SYNJ2: variants seen among roughly 807,000 people sequenced by gnomAD.
The protein encoded by SYNJ2 is synaptojanin 2.
SYNJ2 carries 116 observed loss-of-function variants against 141.3 expected under a neutral mutation model. The ratio of observed to expected loss-of-function variants is 0.82; its 90% CI spans 0.71 to 0.96. The LOEUF (loss-of-function observed/expected upper bound fraction) is 0.96, where lower values mean the gene tolerates loss of function less well. Ranked by LOEUF, SYNJ2 falls within the 40% of genes least tolerant of loss-of-function variation. The pLI is 0.00. For missense variants in SYNJ2, 1,873 were observed against 1,934.8 expected, an observed-to-expected ratio of 0.97 and a Z score of 0.60; for synonymous variants, 745 against 777.7, an observed-to-expected ratio of 0.96 and a Z score of 0.70.
At chr6:158,074,436 AGAT>A in intron 15 of SYNJ2, 141 bp from the exon 16 acceptor site, 1 of 771,068 alleles carries the variant, frequency 1.3e-6, no homozygotes, top group Non-Finnish European at 2.0e-6. Context: ...GTGAAAAACA[AGAT>A]GCTCTAGTAG....
rs779602586 is a variant in SYNJ2, at chr6:158,055,023, C to T, written c.852C>T (p.Phe284=). The T allele has an allele frequency of 3.1e-6, 5 of 1,613,842 alleles. No homozygotes were observed. Among genetic ancestry groups the T allele is most frequent in the Admixed American group, 3.3e-5 (2 of 60,018 alleles). ...HRGLEANAPA[F]DRHMVLLKEQ... ...GCCTGGAAGCCAATGCCCCTGCTTT[C>T]GACAGGTAGGGATTGTCTGACACCA... Residue 284 remains phenylalanine (F), a synonymous_variant, in exon 6 of 27, where the codon TTC becomes TTT. Transcript: ENST00000355585.
At chr6:158,066,124 G>T (rs1781546956) in intron 11 of SYNJ2, among the ~76,000 whole-genome samples, 1 of 152,176 alleles carries the variant, frequency 6.6e-6, no homozygotes, top group South Asian at 2.1e-4. Context: ...AGTGGACAGT[G>T]AGGACACGGC....
intron 1 of SYNJ2, among the ~76,000 whole-genome samples, chr6:158,003,538 A>G (rs2128321208): frequency 1.3e-5 from 2 of 152,324 alleles, no homozygotes; most frequent in East Asian, 3.9e-4. Context: ...GTTTCATGTC[A>G]TGTCCAAGAA....
At chr6:158,063,685 AAAC>A in intron 8 of SYNJ2, 103 bp from the exon 9 acceptor site, 7 of 668,552 alleles carry the variant, frequency 1.0e-5, no homozygotes, top group South Asian at 5.8e-5. Context: ...AAAAAAAAAA[AAAC>A]CATGTTTCCT....
At chr6:158,063,659 C>CAAA (rs71298907) in intron 8 of SYNJ2, 132 bp from the exon 9 acceptor site, 2,886 of 188,202 alleles carry the variant, frequency 0.015, 6 homozygotes, top group South Asian at 0.021. Context: ...GACTCTGTCT[C>CAAA]AAAAAAAAAA....
intron 18 of SYNJ2, 59 bp from the exon 19 acceptor site, chr6:158,081,050 C>T: frequency 1.3e-6 from 2 of 1,530,808 alleles, no homozygotes; most frequent in East Asian, 2.3e-5. Context: ...GGACTGGAGG[C>T]CGGGGGTGTG....
chr6:158,078,409 A>G (rs1409821535), intron 18 of SYNJ2, 128 bp downstream of exon 18: 24 of 617,440 alleles, frequency 3.9e-5, no homozygotes, highest in Non-Finnish European at 6.1e-5. Context: ...GTGTGCATAC[A>G]ATACACCAAA....
intron 2 of SYNJ2, among the ~76,000 whole-genome samples, chr6:158,022,177 A>G (rs1310040988): frequency 1.2e-4 from 19 of 152,310 alleles, no homozygotes; most frequent in Admixed American, 1.2e-3. Context: ...GGGAAAGCCT[A>G]GACATCTTTA....
chr6:158,017,789 G>A (rs773749796), intron 2 of SYNJ2: 1 of 532,158 alleles, frequency 1.9e-6, no homozygotes, highest in South Asian at 1.4e-5. Context: ...CAGGTGGGGA[G>A]GTCAAGGTGA....
At chr6:158,049,865 T>TG (rs926831975) in intron 5 of SYNJ2, among the ~76,000 whole-genome samples, 17 of 151,834 alleles carry the variant, frequency 1.1e-4, no homozygotes, top group Admixed American at 7.9e-4. Flanking sequence ...GCTCTGCAGG[T>TG]GGGGACATGG....
intron 5 of SYNJ2, among the ~76,000 whole-genome samples, chr6:158,044,097 C>T (rs569079928): frequency 3.3e-5 from 5 of 152,306 alleles, no homozygotes; most frequent in Admixed American, 6.5e-5. Context: ...CTCCCTGTCC[C>T]GAGGGGACGT....
Position 158,099,005 on chromosome 6 carries a change from C to A in SYNJ2, c.*2641C>A, listed in dbSNP as rs1269041103. The A allele has an allele frequency of 1.3e-5, 2 of 152,176 alleles. No homozygotes were observed. Among genetic ancestry groups the A allele is most frequent in the Non-Finnish European group, 1.5e-5 (1 of 68,036 alleles). 9.4% of individuals were successfully genotyped at this position (152,176 alleles called of 1,614,324 possible). On this transcript the variant is annotated 3_prime_UTR_variant, in exon 27 of 27. Transcript: ENST00000355585. ...TCCCTGATGTGTGTGTAAGTATAAACAAAGTAATGTATCAAAGCGTTCACT... is the reference window on the plus strand; with the variant it reads ...TCCCTGATGTGTGTGTAAGTATAAAAAAAGTAATGTATCAAAGCGTTCACT...
rs1357992410 is a variant in SYNJ2, at chr6:158,089,848, C to T, written c.3466C>T (p.Arg1156Trp). The change falls in exon 25 of 27, where the codon CGG (arginine) becomes TGG (tryptophan). Residue 1156 changes from arginine (R) to tryptophan (W), a missense_variant. Arg to Trp is a moderately radical substitution (Grantham distance 101). Coordinates refer to ENST00000355585, the MANE Select transcript of SYNJ2 (RefSeq NM_003898.4). Reference protein sequence around the residue: ...PGAPQQPPKARTGISKPYNVK... With the variant: ...PGAPQQPPKAWTGISKPYNVK... ...TCATTCTGTCCTCAAGCCCAAGGCT[C>T]GGACTGGAATAAGTAAACCTTATAA... 3 of 1,613,378 alleles carry T rather than the reference C, an allele frequency of 1.9e-6. No individual in the cohort carries two copies. The highest frequency in any genetic ancestry group is 2.5e-6 in the Non-Finnish European group (3 of 1,179,638).
At chr6:158,044,037 G>A (rs1780100690) in intron 5 of SYNJ2, among the ~76,000 whole-genome samples, 1 of 152,240 alleles carries the variant, frequency 6.6e-6, no homozygotes, top group Admixed American at 6.5e-5. Context: ...AACAAGGTGG[G>A]TTATGGGCCG....
intron 2 of SYNJ2, among the ~76,000 whole-genome samples, chr6:158,025,972 A>AC (rs1554235769): frequency 1.6e-5 from 2 of 128,730 alleles, no homozygotes; most frequent in South Asian, 5.6e-4. Context: ...ATAAATAAAT[A>AC]ATACATGCAT....
chr6:158,086,241 G>T (rs1351809370), intron 22 of SYNJ2, among the ~76,000 whole-genome samples: 1 of 152,136 alleles, frequency 6.6e-6, no homozygotes, highest in African/African-American at 2.4e-5. Context: ...GGGAGCCCTA[G>T]GGCTGCTGAT....
intron 2 of SYNJ2, 32 bp from the exon 3 acceptor site, chr6:158,028,724 C>A (rs774926213): frequency 3.1e-6 from 5 of 1,607,128 alleles, no homozygotes; most frequent in Non-Finnish European, 4.3e-6. Context: ...CCGACTTCGA[C>A]CCTGAGCTCT....
intron 6 of SYNJ2, 107 bp from the exon 7 acceptor site, chr6:158,059,150 A>T: frequency 8.3e-7 from 1 of 1,207,998 alleles, no homozygotes; most frequent in South Asian, 1.8e-5. Flanking sequence ...GGACTGTGGC[A>T]CTAAGAAAGC....
At position 158,070,542 on chromosome 6, in the gene SYNJ2, T is replaced by C. The variant is rs1781853402; in HGVS notation, c.1940+869T>C. The stretch of plus-strand genomic sequence containing the variant: ...GTTAAAGGCAAGGGCGGGGTGAGGG[T>C]GAGAGGTAAAGCATTTGAGAAAGGG... On this transcript the variant is annotated intron_variant, in intron 14 of 26. Coordinates refer to ENST00000355585, the MANE Select transcript of SYNJ2 (RefSeq NM_003898.4). The surrounding 1 kb of genome is among the most constrained non-coding windows in gnomAD (Gnocchi z 4.0). The C allele has an allele frequency of 1.0e-6, 1 of 981,276 alleles. No homozygotes were observed. Among genetic ancestry groups the C allele is most frequent in the Non-Finnish European group, 1.2e-6 (1 of 826,644 alleles). 60.8% of individuals were successfully genotyped at this position (981,276 alleles called of 1,614,324 possible). A position where few individuals can be genotyped will look rare whatever the true frequency, so the allele number is the denominator to read the frequency against.
Sources: allele counts gnomAD v4.1 joint callset (sites outside exome capture counted in the v4.1 genomes callset), GRCh38; gene constraint gnomAD v4.1.1; non-coding constraint Gnocchi (gnomAD v3.1); transcripts MANE v1.5; gene names NCBI Gene and HGNC (gene_info 2026-07-23, HGNC 2026-07-21).